The following ADCY8 variants were observed in gnomAD, a reference collection of about 807,000 sequenced individuals.
The protein encoded by ADCY8 is adenylate cyclase 8.
A neutral mutation model predicts 119.7 loss-of-function variants in ADCY8; 51 were observed. The observed-to-expected ratio is 0.43, with a 90% CI of 0.34 to 0.54. The LOEUF is 0.54. Ranked by LOEUF, ADCY8 falls within the 20% of genes least tolerant of loss-of-function variation. ADCY8 has a pLI of 0.03. For missense variants in ADCY8, 1,383 were observed against 1,598.8 expected (o/e 0.87, Z 2.30); for synonymous variants, 665 against 651.0 (o/e 1.02, Z -0.33).
At chr8:131,010,630 A>G (rs1823270321) in intron 1 of ADCY8, among the ~76,000 whole-genome samples, 1 of 152,248 alleles carries the variant, frequency 6.6e-6, no homozygotes, top group Non-Finnish European at 1.5e-5. Flanking sequence ...AGCACTTTAA[A>G]TAATTCCAGC....
intron 4 of ADCY8, among the ~76,000 whole-genome samples, chr8:130,939,093 AT>A (rs397961879): frequency 0.095 from 13,867 of 146,398 alleles, 657 homozygotes; most frequent in Non-Finnish European, 0.1. Flanking sequence ...TGTAGGGTAC[AT>A]TTTTTTTTTT....
At chr8:130,954,326 G>C (rs1484864669) in intron 2 of ADCY8, among the ~76,000 whole-genome samples, 1 of 151,850 alleles carries the variant, frequency 6.6e-6, no homozygotes, top group Non-Finnish European at 1.5e-5. Context: ...ACTGAAGAGA[G>C]ACACAAGAAA....
At chr8:131,000,686 C>T (rs1046638316) in intron 1 of ADCY8, among the ~76,000 whole-genome samples, 6 of 152,106 alleles carry the variant, frequency 3.9e-5, no homozygotes, top group Non-Finnish European at 8.8e-5. Context: ...ATTATAACAG[C>T]TGTGCTCACC....
At chr8:130,836,924 G>T (rs1471540720) in intron 11 of ADCY8, among the ~76,000 whole-genome samples, 1 of 152,088 alleles carries the variant, frequency 6.6e-6, no homozygotes, top group African/African-American at 2.4e-5. Context: ...AGTAAAGATG[G>T]AGTTTCACCA....
chr8:131,001,517 T>C (rs10956570), intron 1 of ADCY8, among the ~76,000 whole-genome samples: 83,354 of 150,098 alleles, frequency 0.56, 23,976 homozygotes, highest in East Asian at 0.78. Context: ...GTTAATACTA[T>C]ATATACGTGT....
chr8:130,842,825 T>C (rs540332624), intron 11 of ADCY8, among the ~76,000 whole-genome samples: 2 of 149,116 alleles, frequency 1.3e-5, no homozygotes, highest in Admixed American at 6.8e-5. Flanking sequence ...TGAGCCGAGA[T>C]TGCACCACTG....
At chr8:130,782,502 C>A (rs1165017917) in intron 17 of ADCY8, among the ~76,000 whole-genome samples, 1 of 152,190 alleles carries the variant, frequency 6.6e-6, no homozygotes, top group Admixed American at 6.5e-5. Flanking sequence ...AATTTTCCAA[C>A]CTCTGAGATC....
intron 2 of ADCY8, among the ~76,000 whole-genome samples, chr8:130,987,806 A>G (rs1446505731): frequency 1.3e-5 from 2 of 152,200 alleles, no homozygotes; most frequent in African/African-American, 4.8e-5. Flanking sequence ...TCTGGTTGCT[A>G]TGCACTTAAG....
chr8:130,986,676 T>C (rs989122033), intron 2 of ADCY8, among the ~76,000 whole-genome samples: 2 of 152,198 alleles, frequency 1.3e-5, no homozygotes, highest in African/African-American at 4.8e-5. Flanking sequence ...TATTAATACA[T>C]GGCACAGGCT....
rs746997494 is a variant in ADCY8 at position 130,814,170 on chromosome 8, T to C, written c.2812A>G (p.Asn938Asp). 1 of 1,614,152 alleles carries C rather than the reference T, an allele frequency of 6.2e-7. No homozygotes were observed. Among genetic ancestry groups the C allele is most frequent in the Admixed American group, 1.7e-5 (1 of 60,028 alleles). Residue 938 changes from asparagine to aspartate, a missense_variant, in exon 14 of 18, where the codon AAT becomes GAT. This residue lies in a region of ADCY8 where 928 missense variants were observed against 1,163.5 expected (regional missense o/e 0.80). Coordinates refer to ENST00000286355, the MANE Select transcript of ADCY8 (RefSeq NM_001115.3). ...TGTTCCCTCAGCTCCTTCATCTCAT[T>C]GATCTCCTCTTTGGCCTGTACTCGC... ...LWRVQAKEEI[N>D]EMKELREHNE...
intron 2 of ADCY8, among the ~76,000 whole-genome samples, chr8:130,979,332 G>A (rs1822169339): frequency 6.6e-6 from 1 of 152,168 alleles, no homozygotes; most frequent in Non-Finnish European, 1.5e-5. Flanking sequence ...CCTATATTAA[G>A]ACAACTCATC....
chr8:130,821,780 T>C (rs1273808886), intron 12 of ADCY8, among the ~76,000 whole-genome samples: 1 of 152,168 alleles, frequency 6.6e-6, no homozygotes, highest in Non-Finnish European at 1.5e-5. Context: ...AGCTTTATGC[T>C]AAAAAAACCT....
chr8:130,836,605 C>T (rs1452234843), intron 11 of ADCY8, among the ~76,000 whole-genome samples, 156 bp from the exon 12 acceptor site: 1 of 152,192 alleles, frequency 6.6e-6, no homozygotes, highest in Non-Finnish European at 1.5e-5. Flanking sequence ...TCAAACTCTT[C>T]ATTTGCCTAC....
At position 131,039,640 on chromosome 8, in the gene ADCY8, C is replaced by T. The variant is rs1296826906; in HGVS notation, c.694G>A (p.Val232Ile). ...GTGTGGGAGGTGGTGTCCTTCCTGA[C>T]CACCACCAGGGCGCAGATCACTACC... ...IEVVICALVVVRKDTTSHTYL... is the reference protein window; with the variant it reads ...IEVVICALVVIRKDTTSHTYL... The change falls in exon 1 of 18, where the codon GTC becomes ATC. Residue 232 changes from valine to isoleucine, a missense_variant. Physicochemically the swap from Val to Ile is conservative, Grantham distance 29 (BLOSUM62 3). Transcript: ENST00000286355. 1.2e-6 allele frequency: 2 copies of T among 1,613,970 alleles called. No individual in the cohort carries two copies. The highest frequency in any genetic ancestry group is 1.3e-5 in the African/African-American group (1 of 74,926).
At chr8:130,854,837 C>CCTT (rs1817663093) in intron 9 of ADCY8, among the ~76,000 whole-genome samples, 2 of 48,778 alleles carry the variant, frequency 4.1e-5, no homozygotes, top group African/African-American at 1.0e-4. Flanking sequence ...CTCCCTCCCT[C>CCTT]CCTTCCTTCC....
intron 5 of ADCY8, among the ~76,000 whole-genome samples, chr8:130,934,918 A>T (rs764936909): frequency 6.6e-6 from 1 of 152,194 alleles, no homozygotes; most frequent in Non-Finnish European, 1.5e-5. Flanking sequence ...ACATCTCCCG[A>T]TTCCATTTTT....
At chr8:130,822,547 C>CATCCATCCATGA (rs1816546855) in intron 12 of ADCY8, among the ~76,000 whole-genome samples, 1 of 87,694 alleles carries the variant, frequency 1.1e-5, no homozygotes, top group East Asian at 2.7e-4. Flanking sequence ...TCCATCCATC[C>CATCCATCCATGA]ATCCATCCAT....
chr8:130,829,837 T>A (rs1816775606), intron 12 of ADCY8, among the ~76,000 whole-genome samples: 1 of 152,252 alleles, frequency 6.6e-6, no homozygotes, highest in Non-Finnish European at 1.5e-5. Context: ...ATATTGACAT[T>A]TCAGCAACAT....
chr8:130,818,722 A>G (rs1461431056), intron 13 of ADCY8, among the ~76,000 whole-genome samples: 3 of 152,196 alleles, frequency 2.0e-5, no homozygotes, highest in Non-Finnish European at 4.4e-5. Flanking sequence ...TTGATCGGAG[A>G]TTAACAGGAC....
Sources: gnomAD v4.1 joint callset for allele counts (sites outside exome capture counted in the v4.1 genomes callset) on GRCh38, gnomAD v4.1.1 for gene constraint, gnomAD v4.1.1 regional missense constraint, MANE v1.5 for transcripts, NCBI Gene and HGNC (gene_info 2026-07-23, HGNC 2026-07-21) for gene names.